The following XRN1 variants were observed in gnomAD, a reference collection of about 807,000 sequenced individuals.
The protein encoded by XRN1 is 5'-3' exoribonuclease 1, also known as strand-exchange protein 1 homolog.
In XRN1, 67 loss-of-function variants were observed where a neutral mutation model predicts 222.3. The ratio of observed to expected loss-of-function variants is 0.30; its 90% CI spans 0.25 to 0.37. XRN1 has a LOEUF of 0.37. XRN1 is among the 10% of genes least tolerant of loss of function. The pLI is 1.00. For synonymous variants in XRN1, 643 were observed against 652.4 expected (o/e 0.99, Z 0.22); for missense variants, 1,707 against 2,000.2 (o/e 0.85, Z 2.80).
At chr3:142,387,116 A>G (rs1348416407) in intron 20 of XRN1, among the ~76,000 whole-genome samples, 13 of 152,240 alleles carry the variant, frequency 8.5e-5, no homozygotes, top group Admixed American at 7.2e-4. Flanking sequence ...TATTCATACA[A>G]TGTAATAGTA....
Position 142,340,907 on chromosome 3 carries a change from T to C in XRN1, c.3878-5398A>G, listed in dbSNP as rs182060918. Among the ~76,000 whole-genome samples, 273 of 152,294 alleles carry C rather than the reference T, an allele frequency of 1.8e-3. 3 individuals carry two copies. In the East Asian group the frequency reaches 0.026, roughly 15 times the overall value. On this transcript the variant is annotated intron_variant, in intron 33 of 40. Transcript: ENST00000392981. ...AATTTCATCAACACCAGATCTGTCC[T>C]ACAAGAAATGCTAAAGGGAGTACTT... is the stretch of plus-strand genomic sequence containing the variant.
chr3:142,420,766 C>T (rs2068995112), intron 10 of XRN1, among the ~76,000 whole-genome samples: 1 of 151,822 alleles, frequency 6.6e-6, no homozygotes, highest in Non-Finnish European at 1.5e-5. Context: ...GAAATGTTTT[C>T]CACATTTATT....
At chr3:142,399,201 G>A (rs1179680290) in intron 19 of XRN1, among the ~76,000 whole-genome samples, 1 of 101,792 alleles carries the variant, frequency 9.8e-6, no homozygotes, top group Admixed American at 1.1e-4. Flanking sequence ...AAATGTATAT[G>A]AAAAGGCAAA....
intron 32 of XRN1, among the ~76,000 whole-genome samples, chr3:142,350,484 C>T (rs1384986402): frequency 1.3e-5 from 2 of 152,064 alleles, no homozygotes; most frequent in Admixed American, 1.3e-4. Flanking sequence ...AAAATAATGG[C>T]TTTTACTCAG....
intron 1 of XRN1, among the ~76,000 whole-genome samples, chr3:142,440,636 A>T (rs2070161526): frequency 1.3e-5 from 2 of 152,144 alleles, no homozygotes. Flanking sequence ...CAAATTTAGG[A>T]GTACAGAAAC....
chr3:142,354,909 TAAC>T (rs1460891079), intron 32 of XRN1, among the ~76,000 whole-genome samples: 1 of 152,130 alleles, frequency 6.6e-6, no homozygotes, highest in Non-Finnish European at 1.5e-5. Context: ...AAGAATGAAA[TAAC>T]ATCCTTTGCA....
intron 15 of XRN1, among the ~76,000 whole-genome samples, chr3:142,410,949 A>C (rs1209495718): frequency 2.6e-5 from 4 of 152,212 alleles, no homozygotes; most frequent in Non-Finnish European, 5.9e-5. Flanking sequence ...GTTTTCTGAA[A>C]GTTTGTGTAA....
At chr3:142,406,693 ATTT>A (rs756325232) in intron 15 of XRN1, among the ~76,000 whole-genome samples, 2 of 140,374 alleles carry the variant, frequency 1.4e-5, no homozygotes, top group Non-Finnish European at 3.1e-5. Context: ...CATCCAGTTC[ATTT>A]TTTTTTTTTT....
intron 1 of XRN1, among the ~76,000 whole-genome samples, chr3:142,441,913 G>A (rs536180718): frequency 6.6e-5 from 10 of 152,248 alleles, no homozygotes; most frequent in South Asian, 4.1e-4. Context: ...CATACAATTC[G>A]TATACAATTC....
chr3:142,412,520 G>A, intron 15 of XRN1, 24 bp downstream of exon 15: 3 of 1,564,294 alleles, frequency 1.9e-6, no homozygotes, highest in South Asian at 1.2e-5. Context: ...GTATGTGTAT[G>A]TAATGATTAT....
chr3:142,394,990 A>G (rs1215258499), intron 20 of XRN1, among the ~76,000 whole-genome samples: 2 of 152,228 alleles, frequency 1.3e-5, no homozygotes, highest in Non-Finnish European at 2.9e-5. Context: ...AACATATCTT[A>G]GTTAAGATAC....
chr3:142,335,750 A>G (rs1296422048), intron 33 of XRN1, among the ~76,000 whole-genome samples: 10 of 152,202 alleles, frequency 6.6e-5, no homozygotes, highest in Non-Finnish European at 1.2e-4. Flanking sequence ...TAAAGGGCAG[A>G]CTAAGAAGTT....
intron 37 of XRN1, among the ~76,000 whole-genome samples, chr3:142,322,188 A>T (rs1237304816): frequency 6.6e-6 from 1 of 152,170 alleles, no homozygotes; most frequent in Non-Finnish European, 1.5e-5. Flanking sequence ...CCTTTCAGGG[A>T]GGCACTGAGA....
rs927402622 is a variant in XRN1, at chr3:142,354,721, G to A, written c.3768+680C>T. On this transcript the variant is annotated intron_variant, in intron 32 of 40. Transcript: ENST00000392981. ...AATTTTTGTATTTTCAGTACAGATGGGGTTTCACCATATTGGCCAGGCTGG... is the reference window on the plus strand; with the variant it reads ...AATTTTTGTATTTTCAGTACAGATGAGGTTTCACCATATTGGCCAGGCTGG... 1.6e-4 allele frequency among the ~76,000 whole-genome samples: 24 copies of A among 152,044 alleles called. 1 individual carries two copies. The highest frequency in any genetic ancestry group is 1.2e-4 in the Non-Finnish European group (8 of 68,008).
chr3:142,334,030 A>G (rs1024421361), intron 34 of XRN1, among the ~76,000 whole-genome samples: 1 of 152,174 alleles, frequency 6.6e-6, no homozygotes, highest in Non-Finnish European at 1.5e-5. Flanking sequence ...CAACTATGAA[A>G]ACCACAACAG....
At chr3:142,414,010 T>C in intron 14 of XRN1, 125 bp downstream of exon 14, 1 of 1,008,334 alleles carries the variant, frequency 9.9e-7, no homozygotes, top group Middle Eastern at 2.5e-4. Context: ...AAAAAAATAC[T>C]ATGGTTTAAA....
chr3:142,387,321 G>A (rs558091517), intron 20 of XRN1, among the ~76,000 whole-genome samples: 4 of 152,300 alleles, frequency 2.6e-5, no homozygotes, highest in East Asian at 3.9e-4. Context: ...ACTGGGGGTG[G>A]GGAGGGAGCA....
intron 27 of XRN1, 93 bp downstream of exon 27, chr3:142,370,392 T>C: frequency 2.1e-6 from 3 of 1,424,592 alleles, no homozygotes; most frequent in Non-Finnish European, 2.8e-6. Flanking sequence ...AAGTATATGT[T>C]TTATTTGGTT....
At position 142,318,582 on chromosome 3, in the gene XRN1, A is replaced by G; in HGVS notation, c.4621+10T>C. ...CAATGACAAATACTTATAAATGAAA[A>G]ATATCTTACCAGTAGGTGGGGGAAA... is the stretch of plus-strand genomic sequence containing the variant. On this transcript the variant is annotated intron_variant, in intron 39 of 40. Coordinates refer to ENST00000392981, the MANE Select transcript of XRN1 (RefSeq NM_001282857.2). 6.3e-7 allele frequency: 1 copy of G among 1,588,144 alleles called. No individual in the cohort carries two copies.
Sources: allele counts gnomAD v4.1 joint callset (sites outside exome capture counted in the v4.1 genomes callset), GRCh38; gene constraint gnomAD v4.1.1; transcripts MANE v1.5; gene names NCBI Gene and HGNC (gene_info 2026-07-23, HGNC 2026-07-21).